TMEM230: variants seen among roughly 807,000 people sequenced by gnomAD.
TMEM230 encodes UPF0414 transmembrane protein C20orf30.
TMEM230 carries 10 observed loss-of-function variants against 15.8 expected under a neutral mutation model. The ratio of observed to expected loss-of-function variants is 0.63; its 90% CI spans 0.39 to 1.07. The LOEUF (loss-of-function observed/expected upper bound fraction) is 1.07. Ranked by LOEUF, TMEM230 falls within the 50% of genes least tolerant of loss-of-function variation. The pLI, the probability that TMEM230 is intolerant of heterozygous loss-of-function variation, is 0.01. For missense variants in TMEM230, 165 were observed against 193.3 expected, an observed-to-expected ratio of 0.85 and a Z score of 0.87; for synonymous variants, 67 against 76.9, an observed-to-expected ratio of 0.87 and a Z score of 0.68.
downstream of TMEM230, chr20:5,066,251 C>T (rs796483807): frequency 2.6e-5 from 4 of 152,386 alleles, no homozygotes; most frequent in African/African-American, 9.6e-5. Flanking sequence ...GTGAGTCACT[C>T]TTCTTTGGAG....
chr20:5,082,277 G>GGGCAACAGA (rs2089204561), intron 3 of TMEM230, among the ~76,000 whole-genome samples: 1 of 151,118 alleles, frequency 6.6e-6, no homozygotes, highest in African/African-American at 2.4e-5. Flanking sequence ...GTCTTGCTCT[G>GGGCAACAGA]TTGCCCAGGC....
At chr20:5,106,680 T>C (rs2090109317) in intron 3 of TMEM230, among the ~76,000 whole-genome samples, 2 of 152,170 alleles carry the variant, frequency 1.3e-5, no homozygotes, top group South Asian at 4.1e-4. Flanking sequence ...GTGCTGGCAT[T>C]ACAGGCGTGA....
downstream of TMEM230, among the ~76,000 whole-genome samples, chr20:5,099,472 G>A (rs2089771522): frequency 6.9e-6 from 1 of 145,216 alleles, no homozygotes; most frequent in African/African-American, 2.5e-5. Flanking sequence ...CACTTCCTGA[G>A]TTTTTTTTTT....
exon 4 of TMEM230, chr20:5,069,105 A>G: frequency 2.6e-6 from 3 of 1,167,240 alleles, no homozygotes; most frequent in Non-Finnish European, 3.5e-6. Flanking sequence ...ACAATCAGTC[A>G]TTTTCATGCT....
At chr20:5,099,110 G>A (rs2089751542), downstream of TMEM230, among the ~76,000 whole-genome samples, 1 of 151,864 alleles carries the variant, frequency 6.6e-6, no homozygotes, top group Admixed American at 6.6e-5. Context: ...AAGATCACTT[G>A]AGCCCAGGAA....
exon 4 of TMEM230, chr20:5,068,567 C>T (rs889452768): frequency 2.0e-5 from 3 of 152,390 alleles, no homozygotes; most frequent in Admixed American, 2.0e-4. Flanking sequence ...GAGTCACTCA[C>T]TATCACAAGA....
intron 3 of TMEM230, among the ~76,000 whole-genome samples, chr20:5,090,523 G>A (rs1258164542): frequency 6.6e-6 from 1 of 152,142 alleles, no homozygotes; most frequent in Admixed American, 6.6e-5. Flanking sequence ...CAGATGAAAC[G>A]GATGGGAGAC....
intron 3 of TMEM230, among the ~76,000 whole-genome samples, chr20:5,076,075 C>T (rs2088984249): frequency 6.6e-6 from 1 of 151,580 alleles, no homozygotes; most frequent in Non-Finnish European, 1.5e-5. Flanking sequence ...TGTCACTGCA[C>T]TCCAACCTGG....
Position 5,106,330 on chromosome 20 carries a change from G to A in TMEM230, c.289-20C>T. The A allele has an allele frequency of 6.3e-7, 1 of 1,580,856 alleles. No individual in the cohort carries two copies. The highest frequency in any genetic ancestry group is 8.6e-7 in the Non-Finnish European group (1 of 1,168,266). On this transcript the variant is annotated intron_variant, in intron 3 of 4. Transcript: ENST00000342308. ...CTTAAACTGGAAGAGAAATAGAGAT[G>A]AAAAAGACAACGAAGAACATTAATG...
chr20:5,094,293 T>A (rs1287219806), intron 3 of TMEM230, among the ~76,000 whole-genome samples: 3 of 151,978 alleles, frequency 2.0e-5, no homozygotes, highest in Non-Finnish European at 4.4e-5. Flanking sequence ...TTGCCCAGGC[T>A]GGAGTCCAGT....
chr20:5,063,541 G>A (rs1186141825), downstream of TMEM230, among the ~76,000 whole-genome samples: 3 of 151,882 alleles, frequency 2.0e-5, no homozygotes, highest in Non-Finnish European at 4.4e-5. Context: ...TGCCCACCTC[G>A]GCCTCCCAGA....
chr20:5,093,930 A>G (rs1374168506), intron 3 of TMEM230, among the ~76,000 whole-genome samples: 1 of 151,452 alleles, frequency 6.6e-6, no homozygotes, highest in Admixed American at 6.6e-5. Flanking sequence ...AGCGATCAAC[A>G]AATCCGATCA....
At chr20:5,104,322 A>G (rs573897093) in intron 4 of TMEM230, among the ~76,000 whole-genome samples, 6 of 152,322 alleles carry the variant, frequency 3.9e-5, no homozygotes, top group African/African-American at 1.4e-4. Context: ...GGCCTCCAAA[A>G]GTGCTGGGAC....
At chr20:5,064,785 A>G (rs904758091), downstream of TMEM230, among the ~76,000 whole-genome samples, 52 of 152,290 alleles carry the variant, frequency 3.4e-4, no homozygotes, top group African/African-American at 1.3e-3. Context: ...GACATTTTTG[A>G]AAAAGGTGAT....
intron 3 of TMEM230, among the ~76,000 whole-genome samples, chr20:5,070,381 T>C (rs1359596417): frequency 6.6e-6 from 1 of 152,196 alleles, no homozygotes; most frequent in African/African-American, 2.4e-5. Flanking sequence ...ACTGCTGAGC[T>C]GAGCCCAGTG....
intron 3 of TMEM230, among the ~76,000 whole-genome samples, chr20:5,076,671 A>G (rs6053084): frequency 0.043 from 6,171 of 144,926 alleles, 502 homozygotes; most frequent in African/African-American, 0.15. Flanking sequence ...TCTTGGATTG[A>G]TATTCTTTTT....
intron 1 of TMEM230, among the ~76,000 whole-genome samples, chr20:5,112,270 A>G (rs1432769116): frequency 1.3e-5 from 2 of 152,244 alleles, no homozygotes; most frequent in Non-Finnish European, 2.9e-5. Flanking sequence ...AAAAATTAGC[A>G]TAATGTTAAT....
intron 1 of TMEM230, among the ~76,000 whole-genome samples, chr20:5,112,348 G>C (rs997441386): frequency 1.3e-5 from 2 of 152,152 alleles, no homozygotes; most frequent in African/African-American, 4.8e-5. Context: ...TTGTGATCCC[G>C]GCTGCATTTA....
At chr20:5,104,889 G>A (rs943233468) in intron 4 of TMEM230, among the ~76,000 whole-genome samples, 4 of 152,204 alleles carry the variant, frequency 2.6e-5, no homozygotes, top group African/African-American at 9.7e-5. Context: ...AGGGGGGAAT[G>A]GGGAAGGTTA....
Sources: gnomAD v4.1 joint callset for allele counts (sites outside exome capture counted in the v4.1 genomes callset) on GRCh38, gnomAD v4.1.1 for gene constraint, MANE v1.5 for transcripts, NCBI Gene and HGNC (gene_info 2026-07-23, HGNC 2026-07-21) for gene names.